The following CNNM2 variants were observed in gnomAD, a reference collection of about 807,000 sequenced individuals.
CNNM2 encodes cyclin and CBS domain divalent metal cation transport mediator 2, also known as metal transporter CNNM2.
A neutral mutation model predicts 66.9 loss-of-function variants in CNNM2; 12 were observed. That is an observed-to-expected ratio of 0.18 (90% CI 0.11 to 0.29). CNNM2 has a LOEUF of 0.29. Ranked by LOEUF, CNNM2 falls within the 10% of genes least tolerant of loss-of-function variation. The probability of loss-of-function intolerance (pLI) is 1.00; values close to 1 mark genes in which losing one functional copy is unlikely to be tolerated. For synonymous variants in CNNM2, 557 were observed against 501.8 expected, an observed-to-expected ratio of 1.11 and a Z score of -1.47; for missense variants, 705 against 1,167.7, an observed-to-expected ratio of 0.60 and a Z score of 5.77.
intron 1 of CNNM2, among the ~76,000 whole-genome samples, chr10:103,000,317 A>C (rs887067285): frequency 4.6e-5 from 7 of 152,108 alleles, no homozygotes; most frequent in Non-Finnish European, 7.4e-5. Context: ...ACTGTGTGGC[A>C]TCTCCTCAAA....
chr10:102,923,565 T>G (rs537184375), intron 1 of CNNM2, among the ~76,000 whole-genome samples: 1 of 152,248 alleles, frequency 6.6e-6, no homozygotes, highest in Non-Finnish European at 1.5e-5. Flanking sequence ...TGAGGTTTAG[T>G]CTTTTGTCTC....
At chr10:103,075,858 G>A (rs1022821009) in intron 6 of CNNM2, among the ~76,000 whole-genome samples, 7 of 152,156 alleles carry the variant, frequency 4.6e-5, no homozygotes, top group African/African-American at 1.7e-4. Flanking sequence ...GATTGTGTCT[G>A]TCACATACAC....
Position 103,028,984 on chromosome 10 carries a change from A to AG in CNNM2, c.1622-20723_1622-20722insG, listed in dbSNP as rs71019649. ...ATTATAGGCGTGTGCCACCATGCCCACTAACTTTTGTATTTTTAGTAAAGA... is the reference window on the plus strand; with the variant it reads ...ATTATAGGCGTGTGCCACCATGCCCAGCTAACTTTTGTATTTTTAGTAAAGA... On this transcript the variant is annotated intron_variant, in intron 1 of 7. Coordinates refer to ENST00000369878, the MANE Select transcript of CNNM2 (RefSeq NM_017649.5). Among the ~76,000 whole-genome samples, 46,449 of 150,786 alleles carry AG rather than the reference A, an allele frequency of 0.31. 7,259 individuals are homozygous for AG. The highest frequency in any genetic ancestry group is 0.36 in the Middle Eastern group (105 of 290).
chr10:102,927,486 G>A (rs565514887), intron 1 of CNNM2: 48 of 1,582,492 alleles, frequency 3.0e-5, no homozygotes, highest in Middle Eastern at 1.7e-4. Flanking sequence ...TTGGCTGGGC[G>A]TGGTGGCTCA....
In CNNM2 at chr10:103,084,259, T is replaced by C. The variant is rs1171039664; in HGVS notation, c.*7079T>C. 1 of 152,210 alleles carries C rather than the reference T, an allele frequency of 6.6e-6. No individual in the cohort carries two copies. Among genetic ancestry groups the C allele is most frequent in the Non-Finnish European group, 1.5e-5 (1 of 68,032 alleles). The allele number at this position is 152,210 out of a possible 1,614,324, so 9.4% of individuals were successfully genotyped here. A position where few individuals can be genotyped will look rare whatever the true frequency, so the allele number is the denominator to read the frequency against. ...AGTCTCCACTGAATTTATTTAACCG[T>C]GGCATTTGCAGTCTTTTACTTACAC... On this transcript the variant is annotated 3_prime_UTR_variant, in exon 8 of 8. Transcript: ENST00000369878.
At position 103,080,198 on chromosome 10, in the gene CNNM2, G is replaced by A. The variant is rs2065744154; in HGVS notation, c.*3018G>A. 1 of 152,112 alleles carries A rather than the reference G, an allele frequency of 6.6e-6. No individual in the cohort carries two copies. The highest frequency in any genetic ancestry group is 1.5e-5 in the Non-Finnish European group (1 of 68,062). 9.4% of individuals were successfully genotyped at this position (152,112 alleles called of 1,614,324 possible). ...TGGGAGGCCTCACCCTCCTTTACGGGGCCTCTCTGGGTGGGACAGAGCCTC... is the reference window on the plus strand; with the variant it reads ...TGGGAGGCCTCACCCTCCTTTACGGAGCCTCTCTGGGTGGGACAGAGCCTC... On this transcript the variant is annotated 3_prime_UTR_variant, in exon 8 of 8. Transcript: ENST00000369878.
At chr10:103,055,914 T>G (rs745649637) in intron 3 of CNNM2, among the ~76,000 whole-genome samples, 2 of 151,990 alleles carry the variant, frequency 1.3e-5, no homozygotes, top group East Asian at 3.9e-4. Flanking sequence ...ATGATGAAAC[T>G]CTATCTCCAC....
At chr10:103,058,832 C>G (rs534257583) in intron 4 of CNNM2, among the ~76,000 whole-genome samples, 6 of 152,318 alleles carry the variant, frequency 3.9e-5, no homozygotes, top group African/African-American at 1.4e-4. Flanking sequence ...ATGAAACACC[C>G]TCACAGCCTC....
chr10:102,951,797 C>A (rs866236358), intron 1 of CNNM2, among the ~76,000 whole-genome samples: 2 of 151,528 alleles, frequency 1.3e-5, no homozygotes, highest in African/African-American at 2.4e-5. Flanking sequence ...TGCCGCCATG[C>A]CTGGCTAATT....
rs17115414 is a variant in CNNM2 at position 103,065,395 on chromosome 10, T to G, written c.2074-3234T>G. ...GTAATCTGGGAATCTCTGCTTTGAG[T>G]GTGCAAGGCAGAGCTTCAGGCCTCA... On this transcript the variant is annotated intron_variant, in intron 4 of 7. Coordinates refer to ENST00000369878, the MANE Select transcript of CNNM2 (RefSeq NM_017649.5). 0.03 allele frequency among the ~76,000 whole-genome samples: 4,532 copies of G among 152,210 alleles called. 203 individuals carry two copies. Among genetic ancestry groups the G allele is most frequent in the Admixed American group, 0.12 (1,832 of 15,290 alleles).
intron 5 of CNNM2, among the ~76,000 whole-genome samples, chr10:103,071,534 T>A (rs1262807830): frequency 6.6e-6 from 1 of 152,218 alleles, no homozygotes; most frequent in East Asian, 1.9e-4. Flanking sequence ...GCTTAAGAGA[T>A]TTCTTGGTTA....
At chr10:102,973,263 A>G (rs184069606) in intron 1 of CNNM2, among the ~76,000 whole-genome samples, 2 of 151,948 alleles carry the variant, frequency 1.3e-5, no homozygotes, top group Admixed American at 1.3e-4. Flanking sequence ...TTCTGATTAA[A>G]TCACTGCTAT....
intron 1 of CNNM2, among the ~76,000 whole-genome samples, chr10:103,037,108 T>C (rs1564855606): frequency 6.6e-6 from 1 of 151,996 alleles, no homozygotes; most frequent in East Asian, 1.9e-4. Flanking sequence ...TGTTTCAAAA[T>C]TAAAATAAAA....
At chr10:103,037,832 TTTTTTG>T (rs1478107323) in intron 1 of CNNM2, among the ~76,000 whole-genome samples, 5 of 152,184 alleles carry the variant, frequency 3.3e-5, no homozygotes, top group South Asian at 2.1e-4. Flanking sequence ...TATCTACAGC[TTTTTTG>T]TTTTTGTTTT....
rs34466179 is a variant in CNNM2 at position 102,937,371 on chromosome 10, CA to C, written c.1621+17283del. 0.32 allele frequency among the ~76,000 whole-genome samples: 46,163 copies of C among 142,934 alleles called. 7,026 individuals are homozygous for C. Among genetic ancestry groups the C allele is most frequent in the Middle Eastern group, 0.38 (107 of 280 alleles). 93.8% of individuals were successfully genotyped at this position (142,934 alleles called of 152,430 possible). A position where few individuals can be genotyped will look rare whatever the true frequency, so the allele number is the denominator to read the frequency against. ...TGGGCAAAATAGCGAGACCCCATCT[CA>C]AAAAAAAAAAAATGTTTTGTTAAGT... On this transcript the variant is annotated intron_variant, in intron 1 of 7. Transcript: ENST00000369878.
Position 102,968,675 on chromosome 10 carries a change from C to T in CNNM2, c.1621+48574C>T, listed in dbSNP as rs2063503110. Among the ~76,000 whole-genome samples the T allele has an allele frequency of 3.3e-5, 5 of 150,958 alleles. No homozygotes were observed. In the Admixed American group the frequency reaches 3.3e-4, roughly 10 times the overall value. ...AGGCTGGTCAGTGGTGCGATTATAGCTCATTGCAACCTTGACCTCTGTGGC... is the reference window on the plus strand; with the variant it reads ...AGGCTGGTCAGTGGTGCGATTATAGTTCATTGCAACCTTGACCTCTGTGGC... On this transcript the variant is annotated intron_variant, in intron 1 of 7. Transcript: ENST00000369878.
intron 1 of CNNM2, among the ~76,000 whole-genome samples, chr10:102,988,090 G>A (rs2063829193): frequency 6.6e-6 from 1 of 152,152 alleles, no homozygotes; most frequent in Non-Finnish European, 1.5e-5. Context: ...CCTGAGGTCA[G>A]GAGTTTGAGA....
rs747480275 is a variant in CNNM2 at position 102,934,278 on chromosome 10, TC to T, written c.1621+14178del. 1.9e-3 allele frequency among the ~76,000 whole-genome samples: 283 copies of T among 145,916 alleles called. 11 individuals carry two copies. The highest frequency in any genetic ancestry group is 4.9e-3 in the African/African-American group (194 of 39,830). On this transcript the variant is annotated intron_variant, in intron 1 of 7. Transcript: ENST00000369878. ...AAGTCTATTTCTTTCTTTCTTTCTT[TC>T]TTTTTTTTTTTTTGAGACAGAGCCT...
chr10:103,003,610 G>C (rs2064166750), intron 1 of CNNM2, among the ~76,000 whole-genome samples: 1 of 151,992 alleles, frequency 6.6e-6, no homozygotes, highest in Admixed American at 6.6e-5. Flanking sequence ...GATCACTTGA[G>C]GTCAGAAGTT....
Sources: gnomAD v4.1 joint callset for allele counts (sites outside exome capture counted in the v4.1 genomes callset) on GRCh38, gnomAD v4.1.1 for gene constraint, MANE v1.5 for transcripts, NCBI Gene and HGNC (gene_info 2026-07-23, HGNC 2026-07-21) for gene names.